The following CNKSR1 variants were observed in gnomAD, a reference collection of about 807,000 sequenced individuals.
CNKSR1 encodes connector enhancer of kinase suppressor of Ras 1.
CNKSR1 carries 88 observed loss-of-function variants against 95.6 expected under a neutral mutation model. The observed-to-expected ratio is 0.92, with a 90% CI of 0.78 to 1.10. CNKSR1 has a LOEUF of 1.10. Ranked by LOEUF, CNKSR1 falls within the 50% of genes least tolerant of loss-of-function variation. The pLI is 0.00. For missense variants in CNKSR1, 836 were observed against 912.0 expected (o/e 0.92, Z 1.07); for synonymous variants, 355 against 369.7 (o/e 0.96, Z 0.46).
chr1:26,184,110 C>T lies in CNKSR1; in HGVS notation c.895C>T (p.Pro299Ser). ...CCTGGACTCCCCGCACCAGAGGAGC[C>T]CATCACTGTCTCTGGCCCCACTGTC... Reference protein sequence around the residue: ...QVLDSPHQRSPSLSLAPLSPR... With the variant: ...QVLDSPHQRSSSLSLAPLSPR... The change falls in exon 10 of 21, where the codon CCA becomes TCA. Residue 299 changes from proline (P) to serine (S), a missense_variant. Physicochemically the swap from Pro to Ser is moderately conservative, Grantham distance 74. Transcript: ENST00000361530. 6.2e-7 allele frequency: 1 copy of T among 1,612,346 alleles called. No homozygotes were observed. Among genetic ancestry groups the T allele is most frequent in the Non-Finnish European group, 8.5e-7 (1 of 1,179,612 alleles).
chr1:26,183,617 G>T, intron 8 of CNKSR1, 112 bp from the exon 9 acceptor site: 1 of 1,034,874 alleles, frequency 9.7e-7, no homozygotes, highest in Non-Finnish European at 1.5e-6. Flanking sequence ...CTGCATGAGT[G>T]GGAGGCAGAA....
chr1:26,184,795 G>T (rs560747236), intron 13 of CNKSR1, among the ~76,000 whole-genome samples, 183 bp downstream of exon 13: 31 of 151,802 alleles, frequency 2.0e-4, no homozygotes, highest in Admixed American at 6.6e-4. Context: ...AGGCTAACCT[G>T]TTTGCTGTGA....
Position 26,177,619 on chromosome 1 carries a change from A to C in CNKSR1, c.52+20A>C, listed in dbSNP as rs781167609. 59 of 1,613,796 alleles carry C rather than the reference A, an allele frequency of 3.7e-5. No homozygotes were observed. Among genetic ancestry groups the C allele is most frequent in the Non-Finnish European group, 4.9e-5 (58 of 1,179,906 alleles). ...TGAGAGGTGGGTGGGGCTGGGGTAG[A>C]GTTGGGCTTGAAGGGGACTAGGTGT... On this transcript the variant is annotated intron_variant, in intron 1 of 20. Transcript: ENST00000361530.
At position 26,189,846 on chromosome 1, in the gene CNKSR1, G is replaced by A. The variant is rs2088836013; in HGVS notation, c.*298G>A. On this transcript the variant is annotated 3_prime_UTR_variant, in exon 21 of 21. Coordinates refer to ENST00000361530, the MANE Select transcript of CNKSR1 (RefSeq NM_006314.3). ...ACAGGTGTTCTTTATTTTACATGAG[G>A]GCTACTTTCCAACCAAATAAAGTCA... The A allele has an allele frequency of 1.6e-6, 1 of 619,270 alleles. No individual in the cohort carries two copies. Among genetic ancestry groups the A allele is most frequent in the Non-Finnish European group, 3.0e-6 (1 of 338,966 alleles). The allele number at this position is 619,270 out of a possible 1,614,324, so 38.4% of individuals were successfully genotyped here.
chr1:26,185,336 T>A, intron 14 of CNKSR1, 150 bp downstream of exon 14: 1 of 849,908 alleles, frequency 1.2e-6, no homozygotes, highest in Non-Finnish European at 1.9e-6. Context: ...AGAAATGAGT[T>A]AATATATGTA....
chr1:26,184,045 T>C (rs1345419752), intron 9 of CNKSR1, 26 bp from the exon 10 acceptor site: 1 of 1,544,812 alleles, frequency 6.5e-7, no homozygotes, highest in South Asian at 1.1e-5. Flanking sequence ...CCTGTCTCCA[T>C]TGCTTTGTTC....
At position 26,188,430 on chromosome 1, in the gene CNKSR1, T is replaced by A. The variant is rs201680228; in HGVS notation, c.1529-12T>A. 337 of 1,605,274 alleles carry A rather than the reference T, an allele frequency of 2.1e-4. 2 individuals carry two copies. The highest frequency in any genetic ancestry group is 2.3e-5 in the Non-Finnish European group (27 of 1,176,110). ...TGGCCTCCCAAAAACCCACTGCTGC[T>A]CCTCACCCCAGACTGCTACAGTGAG... On this transcript the variant is annotated splice_polypyrimidine_tract_variant and intron_variant, in intron 17 of 20. Coordinates refer to ENST00000361530, the MANE Select transcript of CNKSR1 (RefSeq NM_006314.3).
chr1:26,187,506 C>T (rs1469341181), intron 16 of CNKSR1, 24 bp downstream of exon 16: 1 of 1,611,744 alleles, frequency 6.2e-7, no homozygotes, highest in African/African-American at 1.3e-5. Context: ...CCCTTAGCCC[C>T]TACTCTCATA....
chr1:26,183,889 C>A (rs1315388905), intron 9 of CNKSR1, 59 bp downstream of exon 9: 2 of 472,448 alleles, frequency 4.2e-6, no homozygotes, highest in Admixed American at 2.7e-5. Context: ...CAGGTACCTG[C>A]CCCCACCACC....
At chr1:26,183,074 C>T in intron 6 of CNKSR1, 123 bp from the exon 7 acceptor site, 1 of 979,984 alleles carries the variant, frequency 1.0e-6, no homozygotes, top group Non-Finnish European at 1.7e-6. Flanking sequence ...CTGGGCAGGA[C>T]CAGCTTGGGG....
At position 26,180,915 on chromosome 1, in the gene CNKSR1, CGAGT is replaced by C; in HGVS notation, c.392+23_392+26del. On this transcript the variant is annotated intron_variant, in intron 3 of 20. Transcript: ENST00000361530. The stretch of plus-strand genomic sequence containing the variant: ...TCAGCAGGTACCCGGGTTGGGGTGA[CGAGT>C]GAGGGACTATTGTCATCCTTGGCCT... The C allele has an allele frequency of 6.2e-7, 1 of 1,613,632 alleles. No homozygotes were observed. Among genetic ancestry groups the C allele is most frequent in the East Asian group, 2.2e-5 (1 of 44,882 alleles).
Position 26,189,612 on chromosome 1 carries a change from G to C in CNKSR1, c.*64G>C, listed in dbSNP as rs771564609. 5.9e-6 allele frequency: 5 copies of C among 851,292 alleles called. No homozygotes were observed. The highest frequency in any genetic ancestry group is 1.0e-5 in the Non-Finnish European group (5 of 482,684). 52.7% of individuals were successfully genotyped at this position (851,292 alleles called of 1,614,324 possible). ...GGCCACCTCAACCCCAGCTTCTGAC[G>C]TGTCCAGGACAGAGCATCCCTGGAT... On this transcript the variant is annotated 3_prime_UTR_variant, in exon 21 of 21. Coordinates refer to ENST00000361530, the MANE Select transcript of CNKSR1 (RefSeq NM_006314.3).
At chr1:26,184,966 G>A in intron 13 of CNKSR1, 48 bp from the exon 14 acceptor site, 2 of 1,540,444 alleles carry the variant, frequency 1.3e-6, no homozygotes, top group Non-Finnish European at 1.7e-6. Flanking sequence ...GTTTAGCGGG[G>A]GCACCTTGCC....
At position 26,186,025 on chromosome 1, in the gene CNKSR1, G is replaced by C. The variant is rs568751771; in HGVS notation, c.1308+839G>C. 1.2e-4 allele frequency among the ~76,000 whole-genome samples: 18 copies of C among 152,228 alleles called. No individual in the cohort carries two copies. In the East Asian group the frequency reaches 3.5e-3, roughly 29 times the overall value. On this transcript the variant is annotated intron_variant, in intron 14 of 20. Coordinates refer to ENST00000361530, the MANE Select transcript of CNKSR1 (RefSeq NM_006314.3). ...TTCTCCAGAACTTAGAGGCTAGTAG[G>C]GGAGAGGGATGAATACACACTCAAG...
In CNKSR1 at chr1:26,184,428, T is replaced by G; in HGVS notation, c.1028T>G (p.Leu343Arg). The G allele has an allele frequency of 6.2e-7, 1 of 1,613,454 alleles. No homozygotes were observed. Among genetic ancestry groups the G allele is most frequent in the Non-Finnish European group, 8.5e-7 (1 of 1,179,804 alleles). The stretch of plus-strand genomic sequence containing the variant: ...TCTGCCTCCCTTGGCCCTGAGCCCC[T>G]GCCCATCCCCCCGGAACCCCCAGCC... ...TDSASLGPEP[L>R]PIPPEPPAIL... The change falls in exon 12 of 21, where the codon CTG becomes CGG. Residue 343 changes from leucine (L) to arginine (R), a missense_variant. Transcript: ENST00000361530.
intron 16 of CNKSR1, 52 bp downstream of exon 16, chr1:26,187,534 G>A (rs2088777424): frequency 1.3e-6 from 2 of 1,582,784 alleles, no homozygotes; most frequent in African/African-American, 1.3e-5. Flanking sequence ...CAAACTCTGT[G>A]AGCTTGGGAG....
rs1486890970 is a variant in CNKSR1, at chr1:26,187,435, G to T, written c.1407G>T (p.Val469=). Residue 469 remains valine, a synonymous_variant, in exon 16 of 21, where the codon GTG becomes GTT. Transcript: ENST00000361530. ...GTGTGTTTCAGCTCACCCATGATGT[G>T]TACAAACCCTTCATCTTCGCTGCTG... ...KKYVFQLTHD[V]YKPFIFAADT... is the part of the protein sequence containing the mutation. 6.8e-6 allele frequency: 11 copies of T among 1,613,940 alleles called. No individual in the cohort carries two copies. The African/African-American group carries it at 1.5e-4, about 22-fold the overall frequency.
At chr1:26,178,320 T>G (rs1035329132) in intron 1 of CNKSR1, among the ~76,000 whole-genome samples, 2 of 152,214 alleles carry the variant, frequency 1.3e-5, no homozygotes, top group African/African-American at 4.8e-5. Context: ...GCTCAGTCTC[T>G]GGTGTCATTT....
chr1:26,184,848 C>T (rs148743934), intron 13 of CNKSR1, among the ~76,000 whole-genome samples, 166 bp from the exon 14 acceptor site: 1,643 of 152,032 alleles, frequency 0.011, 36 homozygotes, highest in African/African-American at 0.038. Flanking sequence ...TTGCTCATCT[C>T]TAAAATAAGA....
Sources: gnomAD v4.1 joint callset for allele counts (sites outside exome capture counted in the v4.1 genomes callset) on GRCh38, gnomAD v4.1.1 for gene constraint, MANE v1.5 for transcripts, NCBI Gene and HGNC (gene_info 2026-07-23, HGNC 2026-07-21) for gene names.